COL4A1: variants seen among roughly 807,000 people sequenced by gnomAD.
COL4A1 encodes collagen alpha-1(IV) chain.
Under a neutral mutation model 216.6 loss-of-function variants are expected in COL4A1, and 40 were observed. The ratio of observed to expected loss-of-function variants is 0.18; its 90% confidence interval spans 0.14 to 0.24. The LOEUF (loss-of-function observed/expected upper bound fraction) is 0.24. Among genes scored for constraint, COL4A1 ranks in the 10% least tolerant of loss-of-function variants. COL4A1 has a pLI of 1.00. For missense variants in COL4A1, 1,628 were observed against 2,196.8 expected, an observed-to-expected ratio of 0.74 and a Z score of 5.18; for synonymous variants, 839 against 810.7, an observed-to-expected ratio of 1.03 and a Z score of -0.59.
chr13:110,179,301 T>A lies in COL4A1; in HGVS notation c.2314A>T (p.Ile772Phe), dbSNP rs755499333. ...ATCCCCTGAAGCCCAGGGGGTCCGA[T>A]CGCTCCATGTTCTCCAGGAACGCCT... ...VPGVPGEHGA[I>F]GPPGLQGIRG... The change falls in exon 30 of 52, where the codon ATC becomes TTC. Residue 772 changes from isoleucine to phenylalanine, a missense_variant. Physicochemically the swap from Ile to Phe is conservative, Grantham distance 21. Around this residue, in one of 8 missense-constraint regions of COL4A1, gnomAD observed 701 missense variants for 892.5 expected, o/e 0.79. Transcript: ENST00000375820. The A allele has an allele frequency of 8.7e-6, 14 of 1,613,984 alleles. No individual in the cohort carries two copies. In the Admixed American group the frequency reaches 2.3e-4, roughly 27 times the overall value.
chr13:110,297,923 T>TA (rs200146266), intron 1 of COL4A1, among the ~76,000 whole-genome samples: 5,537 of 143,202 alleles, frequency 0.039, 331 homozygotes, highest in African/African-American at 0.13. Flanking sequence ...TTCGCTGATG[T>TA]AAAAAAAAAA....
intron 2 of COL4A1, among the ~76,000 whole-genome samples, chr13:110,218,628 G>A (rs968255203): frequency 1.3e-5 from 2 of 152,112 alleles, no homozygotes; most frequent in African/African-American, 2.4e-5. Flanking sequence ...TTCCACATAC[G>A]AATCCTAAAA....
intron 1 of COL4A1, among the ~76,000 whole-genome samples, chr13:110,297,456 G>GGCACAAAGAAGTTAAGAAGGTT (rs1884319757): frequency 1.3e-5 from 2 of 152,140 alleles, no homozygotes; most frequent in East Asian, 1.9e-4. Flanking sequence ...GGGAAACTGA[G>GGCACAAAGAAGTTAAGAAGGTT]GCACAAAGAA....
chr13:110,284,300 CCCACAAG>C (rs1414223118), intron 1 of COL4A1, among the ~76,000 whole-genome samples: 11 of 152,188 alleles, frequency 7.2e-5, no homozygotes, highest in African/African-American at 2.7e-4. Flanking sequence ...AATCTGGGAA[CCCACAAG>C]CCACAAGCAT....
At chr13:110,214,570 G>C (rs942146504) in intron 2 of COL4A1, among the ~76,000 whole-genome samples, 2 of 152,110 alleles carry the variant, frequency 1.3e-5, no homozygotes, top group South Asian at 4.1e-4. Flanking sequence ...TGTTAGTTGA[G>C]GCCCGGATAG....
chr13:110,183,050 C>T lies in COL4A1; in HGVS notation c.2038G>A (p.Glu680Lys). The change falls in exon 28 of 52, where the codon GAG becomes AAG. Residue 680 changes from glutamate to lysine, a missense_variant. Around this residue, in one of 8 missense-constraint regions of COL4A1, gnomAD observed 701 missense variants for 892.5 expected, o/e 0.79. Coordinates refer to ENST00000375820, the MANE Select transcript of COL4A1 (RefSeq NM_001845.6). ...GTPGRPGLPGEKGAVGQPGIG... is the reference protein window; with the variant it reads ...GTPGRPGLPGKKGAVGQPGIG... ...CCTGGCTGGCCCACAGCGCCCTTCT[C>T]TCCTGGCAGGCCTGGCCTTCCTGGG... 1 of 1,613,450 alleles carries T rather than the reference C, an allele frequency of 6.2e-7. No individual in the cohort carries two copies. Among genetic ancestry groups the T allele is most frequent in the Non-Finnish European group, 8.5e-7 (1 of 1,179,896 alleles).
chr13:110,187,623 G>A lies in COL4A1; in HGVS notation c.1537-294C>T, dbSNP rs139989910. ...GCTTTGGGCACCCAGCTCTCCTCCAGGAGTTTTCTTACCCTAACAACTGCT... is the reference window on the plus strand; with the variant it reads ...GCTTTGGGCACCCAGCTCTCCTCCAAGAGTTTTCTTACCCTAACAACTGCT... On this transcript the variant is annotated intron_variant, in intron 24 of 51. Transcript: ENST00000375820. Among the ~76,000 whole-genome samples, 477 of 152,274 alleles carry A rather than the reference G, an allele frequency of 3.1e-3. 4 individuals carry two copies. Among genetic ancestry groups the A allele is most frequent in the Non-Finnish European group, 4.0e-3 (271 of 68,030 alleles).
chr13:110,262,774 A>C (rs780008640), intron 1 of COL4A1, among the ~76,000 whole-genome samples: 1 of 152,152 alleles, frequency 6.6e-6, no homozygotes, highest in Admixed American at 6.5e-5. Context: ...AGCTGTCCTG[A>C]TCTGCTTCAC....
At chr13:110,227,814 A>G (rs1880812311) in intron 2 of COL4A1, among the ~76,000 whole-genome samples, 1 of 152,228 alleles carries the variant, frequency 6.6e-6, no homozygotes, top group Non-Finnish European at 1.5e-5. Context: ...TATTCCACAT[A>G]AATATCCTGC....
At chr13:110,201,843 G>A (rs948625561) in intron 18 of COL4A1, among the ~76,000 whole-genome samples, 9 of 152,158 alleles carry the variant, frequency 5.9e-5, no homozygotes, top group Admixed American at 4.6e-4. Context: ...TTAGTCGGGC[G>A]TGGTGGCATA....
At chr13:110,252,540 GTATTATATATACGTATAATTATACGTA>G (rs1882150630) in intron 1 of COL4A1, among the ~76,000 whole-genome samples, 2 of 8,390 alleles carry the variant, frequency 2.4e-4, no homozygotes, top group African/African-American at 6.8e-4. Flanking sequence ...ACGTATATAT[GTATTATATATACGTATAATTATACGTA>G]TATATGTATT....
intron 28 of COL4A1, among the ~76,000 whole-genome samples, chr13:110,181,799 A>G (rs1242205497): frequency 6.6e-6 from 1 of 152,140 alleles, no homozygotes; most frequent in Non-Finnish European, 1.5e-5. Context: ...GGGGTCTATA[A>G]GGCAGGCCCA....
In COL4A1 at chr13:110,242,853, G is replaced by A. The variant is rs75270666; in HGVS notation, c.85-119C>T. On this transcript the variant is annotated intron_variant, in intron 1 of 51. Transcript: ENST00000375820. ...ATGAGCGAAGCCTGCCCTGTCCTTC[G>A]GACACAATCTTATCTGCACTGGTTT... is the stretch of plus-strand genomic sequence containing the variant. 10,653 of 1,100,190 alleles carry A rather than the reference G, an allele frequency of 9.7e-3. 480 individuals carry two copies. In the Admixed American group the frequency reaches 0.11, roughly 11 times the overall value. 68.2% of individuals were successfully genotyped at this position (1,100,190 alleles called of 1,614,324 possible).
In COL4A1 at chr13:110,286,092, G is replaced by A. The variant is rs146799100; in HGVS notation, c.84+20852C>T. 4.2e-3 allele frequency among the ~76,000 whole-genome samples: 633 copies of A among 152,292 alleles called. 4 individuals are homozygous for A. Among genetic ancestry groups the A allele is most frequent in the Non-Finnish European group, 6.8e-3 (460 of 68,018 alleles). ...ATGAGTCTGGAGAGGCCTGGAAGGA[G>A]GGAAAGGACTGGATACGGGAATGCC... is the stretch of plus-strand genomic sequence containing the variant. On this transcript the variant is annotated intron_variant, in intron 1 of 51. Transcript: ENST00000375820.
chr13:110,230,705 C>T (rs921668002), intron 2 of COL4A1, among the ~76,000 whole-genome samples: 7 of 152,234 alleles, frequency 4.6e-5, no homozygotes, highest in East Asian at 1.9e-4. Flanking sequence ...GTCACGCCAG[C>T]GTGCTGTTCC....
intron 8 of COL4A1, 48 bp from the exon 9 acceptor site, chr13:110,210,260 TG>T: frequency 6.4e-7 from 1 of 1,573,852 alleles, no homozygotes; most frequent in Middle Eastern, 2.2e-4. Context: ...TCGACATTCA[TG>T]TAAAGAAGCT....
chr13:110,219,716 ATATATATGTGTG>A (rs1566385132), intron 2 of COL4A1, among the ~76,000 whole-genome samples: 2 of 137,412 alleles, frequency 1.5e-5, no homozygotes, highest in East Asian at 2.2e-4. Context: ...ACATATGTGT[ATATATATGTGTG>A]TATATATATG....
At chr13:110,188,968 T>C (rs900307482) in intron 24 of COL4A1, among the ~76,000 whole-genome samples, 2 of 150,256 alleles carry the variant, frequency 1.3e-5, no homozygotes, top group African/African-American at 2.4e-5. Context: ...CACTGTTCAA[T>C]ATGACTTGGA....
rs2139163238 is a variant in COL4A1 at position 110,177,129 on chromosome 13, G to A, written c.2717-92C>T. On this transcript the variant is annotated intron_variant, in intron 33 of 51. Transcript: ENST00000375820. ...GTTCTTGTTGACAGGGACAGCAGCT[G>A]GCAAAAAGGCTACAAAGCACTCATA... 9.5e-6 allele frequency: 15 copies of A among 1,580,514 alleles called. No homozygotes were observed. In the South Asian group the frequency reaches 1.5e-4, roughly 15 times the overall value.
Sources: allele counts gnomAD v4.1 joint callset (sites outside exome capture counted in the v4.1 genomes callset), GRCh38; gene constraint gnomAD v4.1.1; regional missense constraint gnomAD v4.1.1; transcripts MANE v1.5; gene names NCBI Gene and HGNC (gene_info 2026-07-23, HGNC 2026-07-21).